Variants in SLC6A13 observed in about 807,000 individuals in gnomAD.
SLC6A13 encodes sodium- and chloride-dependent GABA transporter 2.
A neutral mutation model predicts 72.9 loss-of-function variants in SLC6A13; 69 were observed. That is an observed-to-expected ratio of 0.95 (90% CI 0.78 to 1.16). The LOEUF (loss-of-function observed/expected upper bound fraction) is 1.16, where lower values mean the gene tolerates loss of function less well. Among genes scored for constraint, SLC6A13 ranks in the 50% most tolerant of loss-of-function variants. The probability of loss-of-function intolerance (pLI) is 0.00; values close to 1 mark genes in which losing one functional copy is unlikely to be tolerated. For missense variants in SLC6A13, 735 were observed against 760.5 expected (o/e 0.97, Z 0.39); for synonymous variants, 303 against 303.0 (o/e 1.00, Z 0.00).
At chr12:248,654 A>T (rs971017532) in intron 2 of SLC6A13, among the ~76,000 whole-genome samples, 4 of 152,234 alleles carry the variant, frequency 2.6e-5, no homozygotes, top group African/African-American at 9.6e-5. Context: ...AACTACAAAG[A>T]GAAACATATA....
chr12:224,355 ACC>A, intron 10 of SLC6A13, 44 bp downstream of exon 10: 2 of 1,521,362 alleles, frequency 1.3e-6, no homozygotes, highest in Non-Finnish European at 1.8e-6. Flanking sequence ...CCCAGCACAC[ACC>A]CCCCCACTCA....
At chr12:235,375 G>A (rs945906376) in intron 6 of SLC6A13, 151 bp from the exon 7 acceptor site, 24 of 749,442 alleles carry the variant, frequency 3.2e-5, no homozygotes, top group African/African-American at 5.3e-5. Flanking sequence ...GTTTAGTTCT[G>A]TTGCAGGAAG....
chr12:225,496 A>T (rs1413906709), intron 9 of SLC6A13, among the ~76,000 whole-genome samples: 1 of 152,168 alleles, frequency 6.6e-6, no homozygotes, highest in Non-Finnish European at 1.5e-5. Flanking sequence ...CTAAAAATAC[A>T]AAAATTAGCC....
chr12:243,914 GGAGGCA>G, intron 2 of SLC6A13, 101 bp from the exon 3 acceptor site: 1 of 1,204,262 alleles, frequency 8.3e-7, no homozygotes, highest in Admixed American at 2.2e-5. Context: ...TCAGAATCTC[GGAGGCA>G]GAGAACATGC....
intron 14 of SLC6A13, 108 bp from the exon 15 acceptor site, chr12:221,178 G>C: frequency 7.0e-7 from 1 of 1,420,546 alleles, no homozygotes; most frequent in Non-Finnish European, 9.3e-7. Context: ...CTGCCCTCCT[G>C]TCATCACAGC....
intron 2 of SLC6A13, among the ~76,000 whole-genome samples, chr12:253,221 G>A (rs570103019): frequency 2.2e-4 from 34 of 152,316 alleles, no homozygotes; most frequent in African/African-American, 7.5e-4. Flanking sequence ...AAAGGAGCAC[G>A]CTCTGTGGTG....
chr12:238,191 C>G (rs1942011585), intron 4 of SLC6A13, 181 bp from the exon 5 acceptor site: 3 of 1,531,132 alleles, frequency 2.0e-6, no homozygotes, highest in Non-Finnish European at 2.6e-6. Flanking sequence ...GCAGCTCACT[C>G]TCTCCCGCAC....
intron 2 of SLC6A13, 124 bp from the exon 3 acceptor site, chr12:243,937 G>T (rs1443278767): frequency 1.2e-6 from 1 of 802,854 alleles, no homozygotes. Flanking sequence ...ATGCAAAACT[G>T]CAGGAGACAG....
intron 2 of SLC6A13, among the ~76,000 whole-genome samples, chr12:248,691 C>T (rs921104559): frequency 3.3e-5 from 5 of 152,096 alleles, no homozygotes; most frequent in Admixed American, 6.5e-5. Flanking sequence ...ATGTTAAAAA[C>T]GTTAATAGCC....
intron 2 of SLC6A13, 139 bp from the exon 3 acceptor site, chr12:243,952 C>T: frequency 1.4e-6 from 1 of 736,570 alleles, no homozygotes; most frequent in Non-Finnish European, 2.2e-6. Flanking sequence ...AGACAGCTGT[C>T]TAGATGTTTG....
chr12:258,628 G>C (rs1591874721), intron 2 of SLC6A13, among the ~76,000 whole-genome samples: 1 of 152,106 alleles, frequency 6.6e-6, no homozygotes, highest in Admixed American at 6.6e-5. Context: ...CTAACCCACT[G>C]GTCACCCAGA....
Position 242,594 on chromosome 12 carries a change from C to A in SLC6A13, c.478+20G>T. 1 of 1,609,128 alleles carries A rather than the reference C, an allele frequency of 6.2e-7. No individual in the cohort carries two copies. On this transcript the variant is annotated intron_variant, in intron 4 of 14. Transcript: ENST00000343164. ...TGGCAGAACGAGAGGAGGAAGTGGA[C>A]CCTTGGGTGAGGACCATACCTGTGT...
intron 10 of SLC6A13, 76 bp downstream of exon 10, chr12:224,325 T>G (rs138638128): frequency 7.2e-7 from 1 of 1,383,746 alleles, no homozygotes; most frequent in African/African-American, 1.5e-5. Context: ...ACTTCTGACA[T>G]TCACCCATGG....
In SLC6A13 at chr12:220,799, T is replaced by C; in HGVS notation, c.*149A>G. On this transcript the variant is annotated 3_prime_UTR_variant, in exon 15 of 15. Coordinates refer to ENST00000343164, the MANE Select transcript of SLC6A13 (RefSeq NM_016615.5). ...AGCTGAAAAGTTGCAGTGGGAGGCC[T>C]CCAGCTCAGCAGGTGGACTCCAAAA... 1 of 929,482 alleles carries C rather than the reference T, an allele frequency of 1.1e-6. No individual in the cohort carries two copies. Among genetic ancestry groups the C allele is most frequent in the South Asian group, 1.7e-5 (1 of 59,662 alleles). 57.6% of individuals were successfully genotyped at this position (929,482 alleles called of 1,614,324 possible).
intron 2 of SLC6A13, among the ~76,000 whole-genome samples, chr12:255,154 C>T (rs1942695888): frequency 6.6e-6 from 1 of 152,188 alleles, no homozygotes; most frequent in Non-Finnish European, 1.5e-5. Context: ...TCCTGCACAT[C>T]TCATCGCGGG....
At chr12:247,476 C>T (rs1003756383) in intron 2 of SLC6A13, among the ~76,000 whole-genome samples, 3 of 152,106 alleles carry the variant, frequency 2.0e-5, no homozygotes, top group African/African-American at 4.8e-5. Context: ...GCTGTCAACC[C>T]GGAATTCTAT....
At chr12:228,475 C>A (rs1941564211) in intron 7 of SLC6A13, among the ~76,000 whole-genome samples, 1 of 152,136 alleles carries the variant, frequency 6.6e-6, no homozygotes, top group Non-Finnish European at 1.5e-5. Flanking sequence ...AGCAGGTGTT[C>A]CTCATGTGTC....
intron 2 of SLC6A13, among the ~76,000 whole-genome samples, chr12:246,132 A>AAAATAAAT (rs71045049): frequency 0.12 from 17,034 of 146,846 alleles, 2,260 homozygotes; most frequent in East Asian, 0.39. Context: ...AATAAAAGTA[A>AAAATAAAT]AAATAAATAA....
intron 2 of SLC6A13, among the ~76,000 whole-genome samples, chr12:252,261 A>G (rs941141942): frequency 2.6e-5 from 4 of 152,258 alleles, no homozygotes; most frequent in African/African-American, 9.6e-5. Context: ...GATTCCATCT[A>G]TATAATATTC....
Sources: gnomAD v4.1 joint callset for allele counts (sites outside exome capture counted in the v4.1 genomes callset) on GRCh38, gnomAD v4.1.1 for gene constraint, MANE v1.5 for transcripts, NCBI Gene and HGNC (gene_info 2026-07-23, HGNC 2026-07-21) for gene names.